Variants in TTLL11 observed in about 807,000 individuals in gnomAD.
TTLL11 encodes tubulin tyrosine ligase like 11.
TTLL11 carries 42 observed loss-of-function variants against 51.7 expected under a neutral mutation model. The ratio of observed to expected loss-of-function variants is 0.81; its 90% confidence interval spans 0.64 to 1.05. The LOEUF (loss-of-function observed/expected upper bound fraction) is 1.05, where lower values mean the gene tolerates loss of function less well. Ranked by LOEUF, TTLL11 falls within the 50% of genes least tolerant of loss-of-function variation. The pLI, the probability that TTLL11 is intolerant of heterozygous loss-of-function variation, is 0.00. For missense variants in TTLL11, 799 were observed against 940.4 expected (o/e 0.85, Z 1.97); for synonymous variants, 381 against 383.5 (o/e 0.99, Z 0.08).
In TTLL11 at chr9:121,873,639, CCTCTCTTCT is replaced by C. The variant is rs1243768216; in HGVS notation, c.1482-2900_1482-2892del. Among the ~76,000 whole-genome samples, 62 of 48,866 alleles carry C rather than the reference CCTCTCTTCT, an allele frequency of 1.3e-3. No individual in the cohort carries two copies. In the East Asian group the frequency reaches 0.015, roughly 11 times the overall value. The allele number at this position is 48,866 out of a possible 152,430, so 32.1% of individuals were successfully genotyped here. A position where few individuals can be genotyped will look rare whatever the true frequency, so the allele number is the denominator to read the frequency against. ...GCCTCCTCCTCCTCCTCCTCCTCCT[CCTCTCTTCT>C]TCTTCTTCTTCTTCTTCTTCTTTTT... On this transcript the variant is annotated intron_variant, in intron 6 of 8. Coordinates refer to ENST00000321582, the MANE Select transcript of TTLL11 (RefSeq NM_001139442.2).
intron 6 of TTLL11, among the ~76,000 whole-genome samples, chr9:121,874,105 C>T (rs562147045): frequency 6.6e-6 from 1 of 152,162 alleles, no homozygotes; most frequent in Non-Finnish European, 1.5e-5. Context: ...GATCCACCCA[C>T]CTCAGCCTCC....
intron 6 of TTLL11, among the ~76,000 whole-genome samples, chr9:121,952,006 T>TTGGTGGGTTTTAGC: frequency 6.6e-6 from 1 of 152,202 alleles, no homozygotes; most frequent in African/African-American, 2.4e-5. Context: ...CATCTTGGTT[T>TTGGTGGGTTTTAGC]TGGTGGGTTT....
chr9:121,973,161 A>G (rs1216895329), intron 6 of TTLL11, among the ~76,000 whole-genome samples: 2 of 152,222 alleles, frequency 1.3e-5, no homozygotes, highest in African/African-American at 4.8e-5. Context: ...GGGTGATTTC[A>G]TGGAGGGAGG....
chr9:121,993,766 G>GC (rs1411872625), intron 3 of TTLL11, among the ~76,000 whole-genome samples: 1 of 152,184 alleles, frequency 6.6e-6, no homozygotes, highest in African/African-American at 2.4e-5. Context: ...AGAATATCAA[G>GC]CCACAAAACA....
chr9:121,832,934 C>T (rs1837066806), intron 8 of TTLL11, among the ~76,000 whole-genome samples: 1 of 152,104 alleles, frequency 6.6e-6, no homozygotes, highest in Non-Finnish European at 1.5e-5. Context: ...AGTGAGATTC[C>T]ATCTCAAACA....
chr9:121,955,704 T>C (rs1050886209), intron 6 of TTLL11, among the ~76,000 whole-genome samples: 2 of 152,188 alleles, frequency 1.3e-5, no homozygotes, highest in African/African-American at 4.8e-5. Context: ...TATAAAAGTA[T>C]TGCTTTGACC....
chr9:121,846,450 C>T (rs1009314081), intron 8 of TTLL11, among the ~76,000 whole-genome samples: 4 of 152,076 alleles, frequency 2.6e-5, no homozygotes, highest in African/African-American at 7.2e-5. Context: ...GACATGTATA[C>T]AATACTTTAT....
intron 1 of TTLL11, among the ~76,000 whole-genome samples, chr9:122,056,776 A>T: frequency 6.6e-6 from 1 of 152,232 alleles, no homozygotes; most frequent in Non-Finnish European, 1.5e-5. Flanking sequence ...GTCTATGTCA[A>T]GCCTCACCTC....
At chr9:121,980,567 G>A (rs747090700) in intron 4 of TTLL11, among the ~76,000 whole-genome samples, 2 of 152,184 alleles carry the variant, frequency 1.3e-5, no homozygotes, top group African/African-American at 4.8e-5. Flanking sequence ...TGGTTTTCTA[G>A]TTGACCATAC....
At chr9:122,039,174 A>G in intron 2 of TTLL11, 98 bp downstream of exon 2, 1 of 1,041,872 alleles carries the variant, frequency 9.6e-7, no homozygotes, top group South Asian at 1.4e-5. Context: ...AGAGTCCTCA[A>G]ATCTGATCTC....
At chr9:121,913,678 A>G (rs1840222845) in intron 6 of TTLL11, among the ~76,000 whole-genome samples, 1 of 152,182 alleles carries the variant, frequency 6.6e-6, no homozygotes, top group South Asian at 2.1e-4. Context: ...ATGTAATAAA[A>G]CCAGGACACT....
intron 3 of TTLL11, among the ~76,000 whole-genome samples, chr9:122,015,730 G>A (rs933647592): frequency 2.0e-5 from 3 of 148,878 alleles, no homozygotes; most frequent in Non-Finnish European, 4.4e-5. Context: ...CCACCCTGTT[G>A]TGAAGTGACA....
intron 3 of TTLL11, among the ~76,000 whole-genome samples, chr9:122,001,765 C>CTGG (rs1453713591): frequency 6.6e-6 from 1 of 152,154 alleles, no homozygotes; most frequent in African/African-American, 2.4e-5. Context: ...CTCAGAGAGC[C>CTGG]TGGTCAGGGC....
intron 4 of TTLL11, among the ~76,000 whole-genome samples, chr9:121,985,312 G>A (rs1358760881): frequency 6.6e-6 from 1 of 152,036 alleles, no homozygotes; most frequent in South Asian, 2.1e-4. Flanking sequence ...TTTGAGGTAG[G>A]CAAGGAAGAT....
rs552422474 is a variant in TTLL11, at chr9:121,859,126, C to G, written c.1840+1211G>C. 5.7e-5 allele frequency among the ~76,000 whole-genome samples: 4 copies of G among 70,372 alleles called. No individual in the cohort carries two copies. The East Asian group carries it at 2.2e-3, about 39-fold the overall frequency. 46.2% of individuals were successfully genotyped at this position (70,372 alleles called of 152,430 possible). On this transcript the variant is annotated intron_variant, in intron 8 of 8. Transcript: ENST00000321582. ...CCGGGACATTTAATGAGGAAATATG[C>G]ATGAAAGGACCTTGAAGTTTTGTGA...
intron 3 of TTLL11, among the ~76,000 whole-genome samples, chr9:121,999,762 G>T (rs60886230): frequency 0.071 from 10,883 of 152,230 alleles, 779 homozygotes; most frequent in African/African-American, 0.16. Flanking sequence ...GCACACATTT[G>T]CATGTGATTC....
At chr9:122,036,021 C>T (rs1367476018) in intron 2 of TTLL11, among the ~76,000 whole-genome samples, 2 of 152,202 alleles carry the variant, frequency 1.3e-5, no homozygotes, top group African/African-American at 4.8e-5. Context: ...CCCATCCATC[C>T]TGGAGGCTCA....
chr9:121,964,622 T>C (rs1430550158), intron 6 of TTLL11, among the ~76,000 whole-genome samples: 1 of 152,114 alleles, frequency 6.6e-6, no homozygotes, highest in Non-Finnish European at 1.5e-5. Flanking sequence ...TTCAAGGCCA[T>C]AAACCTCCGG....
intron 8 of TTLL11, among the ~76,000 whole-genome samples, chr9:121,836,771 A>G (rs1837190255): frequency 2.0e-5 from 3 of 152,166 alleles, no homozygotes; most frequent in Admixed American, 6.5e-5. Context: ...GAAGCAAGTC[A>G]TTGCCTGGAA....
Sources: gnomAD v4.1 joint callset for allele counts (sites outside exome capture counted in the v4.1 genomes callset) on GRCh38, gnomAD v4.1.1 for gene constraint, MANE v1.5 for transcripts, NCBI Gene and HGNC (gene_info 2026-07-23, HGNC 2026-07-21) for gene names.